Variants in PALS1 observed in about 807,000 individuals in gnomAD.
PALS1 encodes protein PALS1.
In PALS1, 31 loss-of-function variants were observed where a neutral mutation model predicts 78.9. The ratio of observed to expected loss-of-function variants is 0.39; its 90% CI spans 0.30 to 0.53. The LOEUF is 0.53. Ranked by LOEUF, PALS1 falls within the 20% of genes least tolerant of loss-of-function variation. The pLI is 0.67. For synonymous variants in PALS1, 276 were observed against 270.9 expected (o/e 1.02, Z -0.18); for missense variants, 704 against 826.5 (o/e 0.85, Z 1.82).
intron 4 of PALS1, among the ~76,000 whole-genome samples, chr14:67,300,718 C>G (rs1431888064): frequency 2.0e-5 from 3 of 152,002 alleles, no homozygotes; most frequent in Non-Finnish European, 4.4e-5. Flanking sequence ...AAATTTATAA[C>G]CAAGGGGAGT....
intron 1 of PALS1, among the ~76,000 whole-genome samples, chr14:67,248,379 A>G (rs988997236): frequency 6.6e-6 from 1 of 152,142 alleles, no homozygotes; most frequent in African/African-American, 2.4e-5. Flanking sequence ...AACCAAATAT[A>G]AGATTTTGTG....
intron 2 of PALS1, among the ~76,000 whole-genome samples, chr14:67,278,341 CTTT>C (rs551435645): frequency 1.4e-5 from 2 of 138,260 alleles, no homozygotes; most frequent in Non-Finnish European, 1.6e-5. Flanking sequence ...CGGCCCAATT[CTTT>C]TTTTTTTTTT....
chr14:67,318,547 T>C (rs2140981354), intron 11 of PALS1, among the ~76,000 whole-genome samples: 1 of 152,358 alleles, frequency 6.6e-6, no homozygotes. Context: ...ATTAAAATGC[T>C]ACCAGTCTTG....
Position 67,279,187 on chromosome 14 carries a change from T to C in PALS1, c.17T>C (p.Met6Thr), listed in dbSNP as rs1203849107. MTTSH[M>T]NGHVTEESDS... Reference sequence around the variant, plus strand: ...TAGATAACCATGACAACATCCCATATGAATGGGCATGTTACAGAGGAATCA... The same window carrying C: ...TAGATAACCATGACAACATCCCATACGAATGGGCATGTTACAGAGGAATCA... The change falls in exon 3 of 15, where the codon ATG (methionine) becomes ACG (threonine). Residue 6 changes from methionine to threonine, a missense_variant. Physicochemically the swap from Met to Thr is moderately conservative, Grantham distance 81 (BLOSUM62 -1). Transcript: ENST00000261681. The C allele has an allele frequency of 4.4e-6, 7 of 1,597,098 alleles. No homozygotes were observed. Among genetic ancestry groups the C allele is most frequent in the Non-Finnish European group, 5.1e-6 (6 of 1,173,436 alleles).
chr14:67,309,671 C>T (rs1438883338), intron 8 of PALS1, among the ~76,000 whole-genome samples: 1 of 152,264 alleles, frequency 6.6e-6, no homozygotes, highest in African/African-American at 2.4e-5. Flanking sequence ...GATATTCCCT[C>T]CTCACGGGTC....
intron 4 of PALS1, among the ~76,000 whole-genome samples, chr14:67,297,731 A>G (rs1273955523): frequency 6.6e-6 from 1 of 152,208 alleles, no homozygotes; most frequent in Non-Finnish European, 1.5e-5. Flanking sequence ...TAATAAAGGT[A>G]AAGGAGACAT....
At chr14:67,314,008 T>A (rs552785889) in intron 9 of PALS1, among the ~76,000 whole-genome samples, 1 of 152,230 alleles carries the variant, frequency 6.6e-6, no homozygotes, top group South Asian at 2.1e-4. Context: ...CCAGAACTGC[T>A]GTTTCTGAAT....
intron 1 of PALS1, among the ~76,000 whole-genome samples, chr14:67,261,488 G>A (rs564596861): frequency 6.6e-6 from 1 of 152,192 alleles, no homozygotes; most frequent in African/African-American, 2.4e-5. Flanking sequence ...TACCCCAGGA[G>A]GATAGCTAAT....
At chr14:67,282,806 T>G (rs367866193) in intron 3 of PALS1, among the ~76,000 whole-genome samples, 1 of 152,156 alleles carries the variant, frequency 6.6e-6, no homozygotes, top group Admixed American at 6.5e-5. Flanking sequence ...AACTACCTTG[T>G]GAGAGAAATC....
intron 1 of PALS1, among the ~76,000 whole-genome samples, chr14:67,248,362 A>T (rs1284784973): frequency 6.6e-6 from 1 of 152,190 alleles, no homozygotes. Flanking sequence ...TCTTAAAAAA[A>T]AAAGGAAACC....
intron 4 of PALS1, among the ~76,000 whole-genome samples, chr14:67,298,495 A>G (rs1049850153): frequency 6.7e-6 from 1 of 149,344 alleles, no homozygotes; most frequent in Non-Finnish European, 1.5e-5. Context: ...AGCCTGGGCG[A>G]CAAGAGTGAA....
At position 67,279,123 on chromosome 14, in the gene PALS1, T is replaced by C. The variant is rs985709492; in HGVS notation, c.-48T>C. ...CTACAGAATCAAGAGAATTGGCTTA[T>C]AGGAAAAATTGATTTATAAAAAGTG... is the stretch of plus-strand genomic sequence containing the variant. On this transcript the variant is annotated 5_prime_UTR_variant, in exon 3 of 15. Transcript: ENST00000261681. 24 of 1,489,674 alleles carry C rather than the reference T, an allele frequency of 1.6e-5. No homozygotes were observed. Among genetic ancestry groups the C allele is most frequent in the Non-Finnish European group, 2.1e-5 (24 of 1,121,640 alleles). The allele number at this position is 1,489,674 out of a possible 1,614,324, so 92.3% of individuals were successfully genotyped here.
intron 1 of PALS1, among the ~76,000 whole-genome samples, chr14:67,248,967 C>G (rs745337950): frequency 1.3e-5 from 2 of 150,518 alleles, no homozygotes; most frequent in African/African-American, 2.4e-5. Flanking sequence ...GCCTACATAC[C>G]AATTTTTTTT....
chr14:67,272,591 CTT>C (rs2084425206), intron 2 of PALS1, among the ~76,000 whole-genome samples: 1 of 152,196 alleles, frequency 6.6e-6, no homozygotes, highest in African/African-American at 2.4e-5. Flanking sequence ...TCCTTTACCT[CTT>C]TCTCTTATTC....
At chr14:67,246,004 A>G (rs995327795) in intron 1 of PALS1, among the ~76,000 whole-genome samples, 7 of 152,108 alleles carry the variant, frequency 4.6e-5, no homozygotes, top group Non-Finnish European at 8.8e-5. Flanking sequence ...TGTTTAAAAC[A>G]TGATCTTTTT....
At position 67,292,514 on chromosome 14, in the gene PALS1, T is replaced by C; in HGVS notation, c.371T>C (p.Ile124Thr). 1.2e-6 allele frequency: 2 copies of C among 1,603,812 alleles called. No homozygotes were observed. Among genetic ancestry groups the C allele is most frequent in the South Asian group, 2.2e-5 (2 of 90,590 alleles). ...ATACCTTTTCTTCTTCTACTAGAAA[T>C]AGAAGACTTGTTTTCTTCACTTAAA... ...SPHYAVKILE[I>T]EDLFSSLKHI... is the part of the protein sequence containing the mutation. Residue 124 changes from isoleucine (I) to threonine (T), a missense_variant, in exon 4 of 15, where the codon ATA becomes ACA. Physicochemically the swap from Ile to Thr is moderately conservative, Grantham distance 89. Coordinates refer to ENST00000261681, the MANE Select transcript of PALS1 (RefSeq NM_022474.4).
At chr14:67,300,784 T>G (rs1370124130) in intron 4 of PALS1, among the ~76,000 whole-genome samples, 1 of 152,208 alleles carries the variant, frequency 6.6e-6, no homozygotes, top group Non-Finnish European at 1.5e-5. Context: ...TAATCCATTA[T>G]ATTATGGTGA....
At chr14:67,277,780 A>G (rs1220134873) in intron 2 of PALS1, among the ~76,000 whole-genome samples, 28 of 152,168 alleles carry the variant, frequency 1.8e-4, no homozygotes, top group Non-Finnish European at 1.5e-5. Flanking sequence ...TAATTAATGT[A>G]AGTATACATT....
intron 13 of PALS1, among the ~76,000 whole-genome samples, chr14:67,323,261 G>GTGTGTGTGTGTATA (rs1429954753): frequency 2.4e-5 from 3 of 124,138 alleles, no homozygotes; most frequent in Non-Finnish European, 3.7e-5. Flanking sequence ...GTGTGTGTGT[G>GTGTGTGTGTGTATA]TATATATATA....
Sources: gnomAD v4.1 joint callset for allele counts (sites outside exome capture counted in the v4.1 genomes callset) on GRCh38, gnomAD v4.1.1 for gene constraint, MANE v1.5 for transcripts, NCBI Gene and HGNC (gene_info 2026-07-23, HGNC 2026-07-21) for gene names.